DNAAF9: variants seen among roughly 807,000 people sequenced by gnomAD.
DNAAF9 encodes the protein shulin.
A neutral mutation model predicts 167.0 loss-of-function variants in DNAAF9; 90 were observed. The ratio of observed to expected loss-of-function variants is 0.54; its 90% CI spans 0.45 to 0.64. The LOEUF (loss-of-function observed/expected upper bound fraction) is 0.64, where lower values mean the gene tolerates loss of function less well. DNAAF9 is among the 30% of genes least tolerant of loss of function. The probability of loss-of-function intolerance (pLI) is 0.00; values close to 1 mark genes in which losing one functional copy is unlikely to be tolerated. For synonymous variants in DNAAF9, 491 were observed against 508.8 expected, an observed-to-expected ratio of 0.96 and a Z score of 0.47; for missense variants, 1,315 against 1,442.2, an observed-to-expected ratio of 0.91 and a Z score of 1.43.
chr20:3,340,433 T>TGGGGGGGGGGGGCCCCCCCCCCCCC, intron 10 of DNAAF9, 71 bp downstream of exon 10: 1 of 221,214 alleles, frequency 4.5e-6, no homozygotes, highest in East Asian at 1.2e-4. Flanking sequence ...TTTGTCTAGC[T>TGGGGGGGGGGGGCCCCCCCCCCCCC]CCCCCCACCC....
At chr20:3,310,151 C>T (rs1235688731) in intron 20 of DNAAF9, among the ~76,000 whole-genome samples, 1 of 151,570 alleles carries the variant, frequency 6.6e-6, no homozygotes, top group Non-Finnish European at 1.5e-5. Flanking sequence ...AAGATCGTGC[C>T]ATTGCACTCT....
intron 29 of DNAAF9, among the ~76,000 whole-genome samples, chr20:3,274,288 G>A (rs1201766027): frequency 1.3e-5 from 2 of 151,836 alleles, no homozygotes; most frequent in Non-Finnish European, 2.9e-5. Flanking sequence ...AATTACAGGC[G>A]CACACCACTG....
At chr20:3,292,441 G>A (rs2068976131) in intron 25 of DNAAF9, among the ~76,000 whole-genome samples, 1 of 152,130 alleles carries the variant, frequency 6.6e-6, no homozygotes, top group Non-Finnish European at 1.5e-5. Context: ...AGACTTGCAT[G>A]GAAATAAATA....
chr20:3,255,385 G>C, intron 34 of DNAAF9, 101 bp from the exon 35 acceptor site: 1 of 723,112 alleles, frequency 1.4e-6, no homozygotes, highest in Non-Finnish European at 2.5e-6. Flanking sequence ...GATCTCAGCA[G>C]TGGGGAAAGC....
intron 29 of DNAAF9, among the ~76,000 whole-genome samples, chr20:3,274,745 T>C (rs1169273161): frequency 2.6e-5 from 4 of 152,202 alleles, no homozygotes; most frequent in South Asian, 2.1e-4. Context: ...GCACTGTCAA[T>C]TGAGCATCAG....
At chr20:3,278,981 A>G (rs766030952) in intron 28 of DNAAF9, 32 bp from the exon 29 acceptor site, 4 of 1,496,822 alleles carry the variant, frequency 2.7e-6, no homozygotes, top group Non-Finnish European at 3.7e-6. Context: ...ATATTTAAAA[A>G]CCATTCACCT....
chr20:3,320,491 C>T (rs1267932180), intron 16 of DNAAF9, among the ~76,000 whole-genome samples: 1 of 152,204 alleles, frequency 6.6e-6, no homozygotes, highest in East Asian at 1.9e-4. Context: ...CTATGCAAAG[C>T]ATCTTCCAAA....
At chr20:3,398,716 G>A (rs2083943765) in intron 1 of DNAAF9, among the ~76,000 whole-genome samples, 1 of 152,160 alleles carries the variant, frequency 6.6e-6, no homozygotes, top group African/African-American at 2.4e-5. Flanking sequence ...AGCTATATTG[G>A]CATTAATCTA....
Position 3,296,942 on chromosome 20 carries a change from G to C in DNAAF9, c.1937C>G (p.Ser646Cys). 1 of 1,599,960 alleles carries C rather than the reference G, an allele frequency of 6.3e-7. No individual in the cohort carries two copies. Among genetic ancestry groups the C allele is most frequent in the Non-Finnish European group, 8.6e-7 (1 of 1,167,324 alleles). Residue 646 changes from serine (S) to cysteine (C), a missense_variant, in exon 23 of 37, where the codon TCC becomes TGC. By Grantham distance (112) the Ser-to-Cys change is moderately radical. Transcript: ENST00000252032. ...IYQAFYSEVF[S>C]LWKQQDNSGI... ...TGAGTTATCCTGCTGTTTCCAGAGG[G>C]AGAAGACCTAAACAAAACAGAATTT...
At chr20:3,369,904 A>G (rs950639888) in intron 6 of DNAAF9, among the ~76,000 whole-genome samples, 11 of 152,180 alleles carry the variant, frequency 7.2e-5, no homozygotes, top group African/African-American at 2.7e-4. Context: ...GGCATCCAAA[A>G]AGAGTTTTAT....
intron 20 of DNAAF9, among the ~76,000 whole-genome samples, chr20:3,304,791 A>G (rs1357572453): frequency 6.6e-6 from 1 of 152,206 alleles, no homozygotes; most frequent in African/African-American, 2.4e-5. Context: ...CTATCAGCTA[A>G]TGGGGAGAAG....
intron 6 of DNAAF9, among the ~76,000 whole-genome samples, chr20:3,372,396 G>C (rs2083522597): frequency 6.6e-6 from 1 of 152,238 alleles, no homozygotes; most frequent in Non-Finnish European, 1.5e-5. Context: ...GATGTGGAGA[G>C]AGGGACCTAG....
chr20:3,345,282 G>A (rs2070171388), intron 8 of DNAAF9, among the ~76,000 whole-genome samples: 1 of 152,080 alleles, frequency 6.6e-6, no homozygotes, highest in Non-Finnish European at 1.5e-5. Flanking sequence ...CTCAATTGGA[G>A]TTCTGATGTT....
rs768654547 is a variant in DNAAF9, at chr20:3,348,516, C to G, written c.789+9G>C. 1 of 1,505,948 alleles carries G rather than the reference C, an allele frequency of 6.6e-7. No homozygotes were observed. The highest frequency in any genetic ancestry group is 9.1e-7 in the Non-Finnish European group (1 of 1,097,766). The allele number at this position is 1,505,948 out of a possible 1,614,324, so 93.3% of individuals were successfully genotyped here. The stretch of plus-strand genomic sequence containing the variant: ...TTTATTCTTCCTCTTTGACCCTTCC[C>G]TTACATACCTCACCCGCCTGAGATT... On this transcript the variant is annotated intron_variant, in intron 8 of 36. Transcript: ENST00000252032.
chr20:3,307,066 C>G (rs1421701713), intron 20 of DNAAF9: 8 of 985,252 alleles, frequency 8.1e-6, no homozygotes, highest in African/African-American at 3.5e-5. Context: ...AGCTCAAAAT[C>G]CTGAAGCTTC....
At position 3,348,707 on chromosome 20, in the gene DNAAF9, T is replaced by A. The variant is rs537523846; in HGVS notation, c.691-84A>T. The A allele has an allele frequency of 9.5e-6, 7 of 739,724 alleles. No individual in the cohort carries two copies. The Admixed American group carries it at 1.5e-4, about 16-fold the overall frequency. 45.8% of individuals were successfully genotyped at this position (739,724 alleles called of 1,614,324 possible). A position where few individuals can be genotyped will look rare whatever the true frequency, so the allele number is the denominator to read the frequency against. ...ACGAGAATTATGAAACTGTAACTTA[T>A]CTCAAAACACCAGACCATTTATATA... is the stretch of plus-strand genomic sequence containing the variant. On this transcript the variant is annotated intron_variant, in intron 7 of 36. Coordinates refer to ENST00000252032, the MANE Select transcript of DNAAF9 (RefSeq NM_001009984.3).
intron 1 of DNAAF9, among the ~76,000 whole-genome samples, chr20:3,406,640 G>C (rs1017259237): frequency 5.3e-5 from 8 of 152,296 alleles, no homozygotes; most frequent in Middle Eastern, 3.4e-3. Context: ...TATCTAAAGG[G>C]GGCGGGGAAC....
At chr20:3,320,200 T>C (rs73081076) in intron 16 of DNAAF9, among the ~76,000 whole-genome samples, 136 of 152,348 alleles carry the variant, frequency 8.9e-4, no homozygotes, top group Non-Finnish European at 1.7e-3. Context: ...GGCATTCTTA[T>C]ATGAAGGTCA....
chr20:3,252,517 C>G lies in DNAAF9; in HGVS notation c.*55G>C, dbSNP rs898280731. ...CCAGCAGAGCTGAGGTTAAGACACC[C>G]GTTCGTCCATCTCCAAGGTGGACAT... On this transcript the variant is annotated 3_prime_UTR_variant, in exon 37 of 37. Coordinates refer to ENST00000252032, the MANE Select transcript of DNAAF9 (RefSeq NM_001009984.3). 2.1e-6 allele frequency: 2 copies of G among 951,606 alleles called. No individual in the cohort carries two copies. The highest frequency in any genetic ancestry group is 2.6e-5 in the South Asian group (2 of 76,786). The allele number at this position is 951,606 out of a possible 1,614,324, so 58.9% of individuals were successfully genotyped here. A position where few individuals can be genotyped will look rare whatever the true frequency, so the allele number is the denominator to read the frequency against.
Sources: allele counts gnomAD v4.1 joint callset (sites outside exome capture counted in the v4.1 genomes callset), GRCh38; gene constraint gnomAD v4.1.1; transcripts MANE v1.5; gene names NCBI Gene and HGNC (gene_info 2026-07-23, HGNC 2026-07-21).